MFF: variants seen among roughly 807,000 people sequenced by gnomAD.
MFF encodes the protein chromosome 2 open reading frame 33.
MFF carries 12 observed loss-of-function variants against 36.9 expected under a neutral mutation model. The observed-to-expected ratio is 0.33, with a 90% CI of 0.21 to 0.53. The LOEUF (loss-of-function observed/expected upper bound fraction) is 0.53, where lower values mean the gene tolerates loss of function less well. Among genes scored for constraint, MFF ranks in the 20% least tolerant of loss-of-function variants. MFF has a pLI of 0.95. For missense variants in MFF, 348 were observed against 366.6 expected, an observed-to-expected ratio of 0.95 and a Z score of 0.42; for synonymous variants, 99 against 126.2, an observed-to-expected ratio of 0.78 and a Z score of 1.44.
intron 6 of MFF, among the ~76,000 whole-genome samples, chr2:227,348,188 A>G (rs866983342): frequency 5.3e-5 from 8 of 152,118 alleles, no homozygotes; most frequent in African/African-American, 1.9e-4. Flanking sequence ...TACTTTTTGC[A>G]TTTTGAAGAA....
chr2:227,357,207 C>A lies in MFF; in HGVS notation c.*90C>A. 1.4e-6 allele frequency: 2 copies of A among 1,395,536 alleles called. No homozygotes were observed. Among genetic ancestry groups the A allele is most frequent in the Non-Finnish European group, 2.0e-6 (2 of 1,015,462 alleles). 86.4% of individuals were successfully genotyped at this position (1,395,536 alleles called of 1,614,324 possible). A position where few individuals can be genotyped will look rare whatever the true frequency, so the allele number is the denominator to read the frequency against. On this transcript the variant is annotated 3_prime_UTR_variant, in exon 9 of 9. Coordinates refer to ENST00000304593, the MANE Select transcript of MFF (RefSeq NM_001277062.2). Reference sequence around the variant, plus strand: ...TTTGTTTCTGTCTCTGCATTGTATGCCATTTTATAGTCCACACCCTGAAAA... The same window carrying A: ...TTTGTTTCTGTCTCTGCATTGTATGACATTTTATAGTCCACACCCTGAAAA...
chr2:227,353,760 C>A (rs150759098), intron 7 of MFF, among the ~76,000 whole-genome samples: 4 of 152,022 alleles, frequency 2.6e-5, no homozygotes, highest in Non-Finnish European at 4.4e-5. Context: ...CTTTGCAAAT[C>A]GAGATTTCAG....
chr2:227,330,388 T>A, intron 2 of MFF: 2 of 477,592 alleles, frequency 4.2e-6, no homozygotes, highest in South Asian at 5.9e-5. Flanking sequence ...CTATAATAAT[T>A]TAAAAAATTT....
At chr2:227,338,396 A>T (rs1202903321) in intron 4 of MFF, among the ~76,000 whole-genome samples, 1 of 150,472 alleles carries the variant, frequency 6.6e-6, no homozygotes, top group African/African-American at 2.4e-5. Context: ...AAAGAAAAAC[A>T]TCCACCTGGG....
chr2:227,352,799 A>G (rs1007340973), intron 7 of MFF, among the ~76,000 whole-genome samples: 2 of 152,210 alleles, frequency 1.3e-5, no homozygotes, highest in Admixed American at 1.3e-4. Context: ...TATGATGTGA[A>G]CAGCTATTTT....
chr2:227,329,054 T>A (rs1250594524), intron 2 of MFF: 1 of 152,384 alleles, frequency 6.6e-6, no homozygotes. Context: ...GGTAAAGTCA[T>A]GTATACTGTC....
Position 227,347,298 on chromosome 2 carries a change from C to T in MFF, c.513C>T (p.Ser171=), listed in dbSNP as rs1438280160. 6.2e-7 allele frequency: 1 copy of T among 1,613,728 alleles called. No individual in the cohort carries two copies. The highest frequency in any genetic ancestry group is 8.5e-7 in the Non-Finnish European group (1 of 1,179,698). The change falls in exon 6 of 9, where the codon TCC becomes TCT. Residue 171 remains serine, a synonymous_variant. Transcript: ENST00000304593. The stretch of plus-strand genomic sequence containing the variant: ...TACCTGAAGATGGAGCTAATCTTTC[C>T]TCTGCTCGTGGCATTTTGTCGCTTA... ...HMLPEDGANL[S]SARGILSLIQ...
intron 6 of MFF, among the ~76,000 whole-genome samples, chr2:227,349,448 G>C (rs1293696022): frequency 6.6e-6 from 1 of 151,686 alleles, no homozygotes; most frequent in Non-Finnish European, 1.5e-5. Flanking sequence ...CCCTTTTCTG[G>C]GAAGGAATTC....
intron 7 of MFF, among the ~76,000 whole-genome samples, chr2:227,353,699 T>A (rs2076117661): frequency 6.6e-6 from 1 of 152,232 alleles, no homozygotes; most frequent in Non-Finnish European, 1.5e-5. Flanking sequence ...AACATATTTT[T>A]GTTTTAAATT....
intron 3 of MFF, among the ~76,000 whole-genome samples, chr2:227,331,572 G>C (rs937441981): frequency 6.6e-6 from 1 of 152,184 alleles, no homozygotes; most frequent in Non-Finnish European, 1.5e-5. Flanking sequence ...TTGAAAAACT[G>C]CTAAACTGTT....
chr2:227,338,844 C>CA (rs71299675), intron 4 of MFF, among the ~76,000 whole-genome samples: 45,085 of 143,678 alleles, frequency 0.31, 7,749 homozygotes, highest in South Asian at 0.49. Flanking sequence ...CAAAAAAAAA[C>CA]AAAAAAAAAA....
chr2:227,327,964 G>A (rs999377260), intron 1 of MFF, among the ~76,000 whole-genome samples: 2 of 152,186 alleles, frequency 1.3e-5, no homozygotes, highest in East Asian at 1.9e-4. Context: ...TGGGAACCTG[G>A]GTGGTTAAGG....
chr2:227,332,226 C>T (rs533741040), intron 3 of MFF, among the ~76,000 whole-genome samples, 193 bp from the exon 4 acceptor site: 89 of 151,964 alleles, frequency 5.9e-4, no homozygotes, highest in African/African-American at 2.1e-3. Flanking sequence ...CCCGCCTCGG[C>T]CTCCCAAAGT....
intron 4 of MFF, among the ~76,000 whole-genome samples, chr2:227,338,619 T>C (rs960125240): frequency 2.0e-5 from 3 of 151,056 alleles, no homozygotes; most frequent in Admixed American, 2.0e-4. Context: ...ATCATGAGAT[T>C]AGGAGTTCGA....
intron 5 of MFF, among the ~76,000 whole-genome samples, chr2:227,343,106 T>C (rs2075498937): frequency 6.6e-6 from 1 of 152,118 alleles, no homozygotes; most frequent in African/African-American, 2.4e-5. Flanking sequence ...TTTTTGTTTA[T>C]TTTGCTTTGG....
At chr2:227,326,489 G>T (rs1410139062) in intron 1 of MFF, among the ~76,000 whole-genome samples, 1 of 152,126 alleles carries the variant, frequency 6.6e-6, no homozygotes, top group Non-Finnish European at 1.5e-5. Context: ...GGTTTCAAAG[G>T]CTTGTATATT....
chr2:227,342,018 A>G (rs906622620), intron 5 of MFF, among the ~76,000 whole-genome samples: 6 of 152,104 alleles, frequency 3.9e-5, no homozygotes, highest in South Asian at 2.1e-4. Flanking sequence ...ATGTTTTTGT[A>G]TTTACTCAAT....
At chr2:227,339,613 C>G (rs1019222384) in intron 4 of MFF, among the ~76,000 whole-genome samples, 9 of 152,318 alleles carry the variant, frequency 5.9e-5, no homozygotes, top group South Asian at 2.1e-4. Context: ...TATGAGCAAC[C>G]TGGGGAAAGA....
intron 3 of MFF, among the ~76,000 whole-genome samples, chr2:227,331,193 C>G (rs1355602429): frequency 6.6e-6 from 1 of 152,132 alleles, no homozygotes; most frequent in Non-Finnish European, 1.5e-5. Context: ...CAGTCCCTAC[C>G]CCTCAACTCT....
Sources: gnomAD v4.1 joint callset for allele counts (sites outside exome capture counted in the v4.1 genomes callset) on GRCh38, gnomAD v4.1.1 for gene constraint, MANE v1.5 for transcripts, NCBI Gene and HGNC (gene_info 2026-07-23, HGNC 2026-07-21) for gene names.